Variants in TPSD1 observed in about 807,000 individuals in gnomAD.
TPSD1 encodes tryptase delta 1.
A neutral mutation model predicts 25.4 loss-of-function variants in TPSD1; 30 were observed. The ratio of observed to expected loss-of-function variants is 1.18; its 90% CI spans 0.88 to 1.60. The LOEUF is 1.60. Ranked by LOEUF, TPSD1 falls within the 40% of genes most tolerant of loss-of-function variation. The pLI, the probability that TPSD1 is intolerant of heterozygous loss-of-function variation, is 0.00. For missense variants in TPSD1, 420 were observed against 324.2 expected, an observed-to-expected ratio of 1.30 and a Z score of -2.27; for synonymous variants, 176 against 149.4, an observed-to-expected ratio of 1.18 and a Z score of -1.30.
rs763576585 is a variant in TPSD1, at chr16:1,256,550, TG to T, written c.123del (p.Gln42ArgfsTer12). 6.3e-7 allele frequency: 1 copy of T among 1,594,376 alleles called. No individual in the cohort carries two copies. Among genetic ancestry groups the T allele is most frequent in the Non-Finnish European group, 8.5e-7 (1 of 1,174,586 alleles). ...GQALQQTGIV[G>X]GQEAPRSKWP... ...AGGCCCTGCAGCAAACGGGCATTGT[TG>T]GGGGGCAGGAGGCCCCCAGGAGCAA... is the stretch of plus-strand genomic sequence containing the variant. On this transcript the variant is annotated frameshift_variant, in exon 2 of 5. Transcript: ENST00000211076. LOFTEE classifies it high-confidence loss of function.
In TPSD1 at chr16:1,258,116, ACC is replaced by A. The variant is rs1243797786; in HGVS notation, c.579_580del (p.Cys195GlnfsTer20). ...GTGGAAGTCCCCGTAGTGGAAAACC[ACC>A]TTTGCAACGCGGAATATCACACCGG... On this transcript the variant is annotated frameshift_variant, in exon 4 of 5. Coordinates refer to ENST00000211076, the MANE Select transcript of TPSD1 (RefSeq NM_012217.3). LOFTEE classifies it high-confidence loss of function. The A allele has an allele frequency of 6.2e-7, 1 of 1,607,192 alleles. No individual in the cohort carries two copies. The highest frequency in any genetic ancestry group is 8.5e-7 in the Non-Finnish European group (1 of 1,177,312).
rs769149916 is a variant in TPSD1, at chr16:1,258,175, C to T, written c.637C>T (p.Arg213Cys). ...TACGGGCCACAGCTTTCAAATCGTC[C>T]GCGATGACATGCTGTGTGCGGGGAG... Reference protein sequence around the residue: ...LHTGHSFQIVRDDMLCAGSEN... With the variant: ...LHTGHSFQIVCDDMLCAGSEN... The change falls in exon 4 of 5, where the codon CGC becomes TGC. Residue 213 changes from arginine (R) to cysteine (C), a missense_variant. Arg to Cys is a radical substitution (Grantham distance 180). Transcript: ENST00000211076. 1.7e-5 allele frequency: 27 copies of T among 1,612,896 alleles called. No individual in the cohort carries two copies. Among genetic ancestry groups the T allele is most frequent in the East Asian group, 6.7e-5 (3 of 44,890 alleles).
In TPSD1 at chr16:1,256,915, A is replaced by G. The variant is rs745705266; in HGVS notation, c.373A>G (p.Thr125Ala). Residue 125 changes from threonine to alanine, a missense_variant, in exon 3 of 5, where the codon ACC (threonine) becomes GCC (alanine). Coordinates refer to ENST00000211076, the MANE Select transcript of TPSD1 (RefSeq NM_012217.3). The stretch of plus-strand genomic sequence containing the variant: ...GCACCCACAGTTCTACATCATCCAG[A>G]CCGGGGCGGACATCGCCCTGCTGGA... ...IVHPQFYIIQ[T>A]GADIALLELE... is the part of the protein sequence containing the mutation. 4 of 1,613,968 alleles carry G rather than the reference A, an allele frequency of 2.5e-6. No homozygotes were observed. In the Admixed American group the frequency reaches 6.7e-5, roughly 27 times the overall value.
Position 1,256,967 on chromosome 16 carries a change from G to T in TPSD1, c.425G>T (p.Ser142Ile). ...LELEEPVNIS[S>I]HIHTVTLPPA... ...CTGGAGGAGCCCGTGAACATCTCCA[G>T]CCACATCCACACGGTCACGCTGCCC... The change falls in exon 3 of 5, where the codon AGC (serine) becomes ATC (isoleucine). Residue 142 changes from serine to isoleucine, a missense_variant. Physicochemically the swap from Ser to Ile is moderately radical, Grantham distance 142 (BLOSUM62 -2). Coordinates refer to ENST00000211076, the MANE Select transcript of TPSD1 (RefSeq NM_012217.3). The T allele has an allele frequency of 2.5e-6, 4 of 1,613,958 alleles. No individual in the cohort carries two copies. Among genetic ancestry groups the T allele is most frequent in the Non-Finnish European group, 3.4e-6 (4 of 1,180,012 alleles).
At chr16:1,258,257 G>T in intron 4 of TPSD1, 35 bp downstream of exon 4, 1 of 1,611,114 alleles carries the variant, frequency 6.2e-7, no homozygotes, top group Non-Finnish European at 8.5e-7. Flanking sequence ...AATCCCCGGA[G>T]CCTGGCCAGC....
In TPSD1 at chr16:1,258,917, C is replaced by T. The variant is rs34278105; in HGVS notation, c.*541C>T. On this transcript the variant is annotated 3_prime_UTR_variant, in exon 5 of 5. Coordinates refer to ENST00000211076, the MANE Select transcript of TPSD1 (RefSeq NM_012217.3). ...TCCCCAACCCTGAATCCGCCCCTCCCGGCCCCTCCGGCCCTCCCCTGCCCA... is the reference window on the plus strand; with the variant it reads ...TCCCCAACCCTGAATCCGCCCCTCCTGGCCCCTCCGGCCCTCCCCTGCCCA... 0.084 allele frequency: 10,482 copies of T among 125,092 alleles called. 513 individuals are homozygous for T. Among genetic ancestry groups the T allele is most frequent in the Middle Eastern group, 0.16 (44 of 268 alleles). 7.7% of individuals were successfully genotyped at this position (125,092 alleles called of 1,614,324 possible). A position where few individuals can be genotyped will look rare whatever the true frequency, so the allele number is the denominator to read the frequency against.
Position 1,256,568 on chromosome 16 carries a change from C to T in TPSD1, c.135C>T (p.Pro45=). 2.5e-6 allele frequency: 4 copies of T among 1,612,268 alleles called. No individual in the cohort carries two copies. The highest frequency in any genetic ancestry group is 2.7e-5 in the African/African-American group (2 of 75,034). ...GCATTGTTGGGGGGCAGGAGGCCCCCAGGAGCAAGTGGCCCTGGCAGGTGA... is the reference window on the plus strand; with the variant it reads ...GCATTGTTGGGGGGCAGGAGGCCCCTAGGAGCAAGTGGCCCTGGCAGGTGA... ...QTGIVGGQEA[P]RSKWPWQVSL... Residue 45 remains proline, a synonymous_variant, in exon 2 of 5, where the codon CCC becomes CCT. Coordinates refer to ENST00000211076, the MANE Select transcript of TPSD1 (RefSeq NM_012217.3).
At chr16:1,257,996 C>G in intron 3 of TPSD1, 63 bp from the exon 4 acceptor site, 1 of 1,516,078 alleles carries the variant, frequency 6.6e-7, no homozygotes, top group Non-Finnish European at 8.9e-7. Context: ...ACTCTGCCAC[C>G]AAGTCCACGA....
At chr16:1,257,472 G>C (rs1358000356) in intron 3 of TPSD1, 1 of 274,078 alleles carries the variant, frequency 3.6e-6, no homozygotes, top group Non-Finnish European at 6.9e-6. Flanking sequence ...CTGGGAATCG[G>C]GGTCGTGGCA....
intron 3 of TPSD1, 23 bp downstream of exon 3, chr16:1,257,085 G>T: frequency 6.4e-7 from 1 of 1,574,668 alleles, no homozygotes; most frequent in Non-Finnish European, 8.6e-7. Context: ...GACAGCGGGA[G>T]GCCGGGCCAG....
At chr16:1,258,271 C>G in intron 4 of TPSD1, 49 bp downstream of exon 4, 1 of 1,611,520 alleles carries the variant, frequency 6.2e-7, no homozygotes, top group Non-Finnish European at 8.5e-7. Flanking sequence ...GGCCAGCGAG[C>G]GCATCCCTCA....
chr16:1,258,223 G>A lies in TPSD1; in HGVS notation c.684+1G>A, dbSNP rs1373494243. The A allele has an allele frequency of 1.2e-6, 2 of 1,611,886 alleles. No homozygotes were observed. Among genetic ancestry groups the A allele is most frequent in the African/African-American group, 1.4e-5 (1 of 73,970 alleles). ...GAGCGAAAATCACGACTCCTGCCAG[G>A]TGGGCCCTCGCGTCCCCCACCCCAA... On this transcript the variant is annotated splice_donor_variant, in intron 4 of 4. Transcript: ENST00000211076. LOFTEE classifies it high-confidence loss of function.
chr16:1,257,333 A>C, intron 3 of TPSD1: 2 of 547,634 alleles, frequency 3.7e-6, no homozygotes, highest in African/African-American at 1.9e-5. Context: ...GGTGCATCAA[A>C]AGTTTGTACG....
At chr16:1,257,830 A>G (rs1197023523) in intron 3 of TPSD1, 1 of 597,630 alleles carries the variant, frequency 1.7e-6, no homozygotes, top group African/African-American at 1.9e-5. Flanking sequence ...GGCAACCTCC[A>G]GGGCCCTCCC....
chr16:1,256,353 G>C lies in TPSD1; in HGVS notation c.73G>C (p.Val25Leu). The C allele has an allele frequency of 6.2e-7, 1 of 1,613,068 alleles. No homozygotes were observed. The highest frequency in any genetic ancestry group is 1.1e-5 in the South Asian group (1 of 91,024). The change falls in exon 1 of 5, where the codon GTG (valine) becomes CTG (leucine). Residue 25 changes from valine (V) to leucine (L), a missense_variant. Physicochemically the swap from Val to Leu is conservative, Grantham distance 32 (BLOSUM62 1). Transcript: ENST00000211076. ...GCCCGTCCTGGCGAGCCCGGCCTACGTGGCCCCTGGTGAGTCCCAGCCGGG... is the reference window on the plus strand; with the variant it reads ...GCCCGTCCTGGCGAGCCCGGCCTACCTGGCCCCTGGTGAGTCCCAGCCGGG... Reference protein sequence around the residue: ...ALPVLASPAYVAPAPGQALQQ... With the variant: ...ALPVLASPAYLAPAPGQALQQ...
Position 1,256,352 on chromosome 16 carries a change from C to T in TPSD1, c.72C>T (p.Tyr24=), listed in dbSNP as rs772952746. The T allele has an allele frequency of 6.9e-5, 111 of 1,613,018 alleles. 2 individuals are homozygous for T. The highest frequency in any genetic ancestry group is 3.7e-4 in the Admixed American group (22 of 59,976). ...TGCCCGTCCTGGCGAGCCCGGCCTA[C>T]GTGGCCCCTGGTGAGTCCCAGCCGG... ...LALPVLASPA[Y]VAPAPGQALQ... The change falls in exon 1 of 5, where the codon TAC becomes TAT. Residue 24 remains tyrosine (Y), a synonymous_variant. Transcript: ENST00000211076.
intron 3 of TPSD1, chr16:1,257,377 C>G (rs1286933396): frequency 6.7e-6 from 3 of 447,410 alleles, no homozygotes; most frequent in East Asian, 7.6e-5. Context: ...AGAAATCACA[C>G]GGGGGTCTTG....
In TPSD1 at chr16:1,256,575, A is replaced by C. The variant is rs544132385; in HGVS notation, c.142A>C (p.Lys48Gln). 51 of 1,612,490 alleles carry C rather than the reference A, an allele frequency of 3.2e-5. No individual in the cohort carries two copies. The highest frequency in any genetic ancestry group is 4.2e-5 in the Non-Finnish European group (49 of 1,179,718). ...IVGGQEAPRS[K>Q]WPWQVSLRVR... ...TGGGGGGCAGGAGGCCCCCAGGAGC[A>C]AGTGGCCCTGGCAGGTGAGCCTGAG... The change falls in exon 2 of 5, where the codon AAG (lysine) becomes CAG (glutamine). Residue 48 changes from lysine to glutamine, a missense_variant. Transcript: ENST00000211076.
At chr16:1,257,787 G>T (rs565347510) in intron 3 of TPSD1, among the ~76,000 whole-genome samples, 3 of 152,294 alleles carry the variant, frequency 2.0e-5, no homozygotes, top group African/African-American at 7.2e-5. Context: ...ACACGGGTCG[G>T]GCTCTGCACC....
Sources: gnomAD v4.1 joint callset for allele counts (sites outside exome capture counted in the v4.1 genomes callset) on GRCh38, gnomAD v4.1.1 for gene constraint, MANE v1.5 for transcripts, NCBI Gene and HGNC (gene_info 2026-07-23, HGNC 2026-07-21) for gene names.